The following ATL2 variants were observed in gnomAD, a reference collection of about 807,000 sequenced individuals.
ATL2 encodes atlastin GTPase 2.
Under a neutral mutation model 73.9 loss-of-function variants are expected in ATL2, and 31 were observed. That is an observed-to-expected ratio of 0.42 (90% CI 0.32 to 0.57). The LOEUF (loss-of-function observed/expected upper bound fraction) is 0.57, where lower values mean the gene tolerates loss of function less well. ATL2 is among the 20% of genes least tolerant of loss of function. ATL2 has a pLI of 0.14. For missense variants in ATL2, 738 were observed against 702.6 expected (o/e 1.05, Z -0.57); for synonymous variants, 291 against 237.5 (o/e 1.23, Z -2.07).
intron 2 of ATL2, among the ~76,000 whole-genome samples, chr2:38,332,207 T>C (rs1292982105): frequency 1.3e-5 from 2 of 152,140 alleles, no homozygotes; most frequent in Middle Eastern, 3.4e-3. Flanking sequence ...TTTGAGATGA[T>C]GGAAACTTTG....
chr2:38,371,521 A>C (rs1671688083), intron 1 of ATL2, among the ~76,000 whole-genome samples: 1 of 152,088 alleles, frequency 6.6e-6, no homozygotes, highest in African/African-American at 2.4e-5. Context: ...GAAACAAAAC[A>C]AAATTTTTAA....
At chr2:38,343,021 G>A (rs994561210) in intron 2 of ATL2, among the ~76,000 whole-genome samples, 7 of 149,868 alleles carry the variant, frequency 4.7e-5, no homozygotes, top group African/African-American at 9.8e-5. Context: ...GGTGGCACAC[G>A]CCTGTAGTCC....
intron 1 of ATL2, among the ~76,000 whole-genome samples, chr2:38,365,309 G>C (rs1167634273): frequency 1.3e-5 from 2 of 152,096 alleles, no homozygotes; most frequent in African/African-American, 4.8e-5. Context: ...TAGACACTAA[G>C]TTCCATTCTG....
In ATL2 at chr2:38,357,699, G is replaced by T. The variant is rs533230879; in HGVS notation, c.119-14187C>A. Among the ~76,000 whole-genome samples the T allele has an allele frequency of 1.1e-4, 16 of 151,192 alleles. No individual in the cohort carries two copies. In the East Asian group the frequency reaches 1.4e-3, roughly 13 times the overall value. ...CTCTAGAGATACTTTTTTATATTGG[G>T]GAGGAAAAGCATTTTCCAAGAACTA... On this transcript the variant is annotated intron_variant, in intron 1 of 12. Transcript: ENST00000378954.
At chr2:38,356,168 C>T (rs1670656334) in intron 1 of ATL2, among the ~76,000 whole-genome samples, 1 of 151,990 alleles carries the variant, frequency 6.6e-6, no homozygotes. Context: ...TTTTTATTTA[C>T]TAACCCAAAA....
At chr2:38,301,324 A>T (rs547033726) in intron 9 of ATL2, among the ~76,000 whole-genome samples, 1 of 152,354 alleles carries the variant, frequency 6.6e-6, no homozygotes, top group African/African-American at 2.4e-5. Context: ...AGGCAGAGCA[A>T]GATGGCCAAA....
chr2:38,365,156 CACACACACAAAT>C (rs1307823544), intron 1 of ATL2, among the ~76,000 whole-genome samples: 15 of 148,564 alleles, frequency 1.0e-4, no homozygotes, highest in African/African-American at 3.9e-4. Flanking sequence ...CACACACACA[CACACACACAAAT>C]ACACACACAC....
chr2:38,317,870 G>A (rs573284152), intron 4 of ATL2, among the ~76,000 whole-genome samples: 37 of 151,976 alleles, frequency 2.4e-4, no homozygotes, highest in African/African-American at 8.4e-4. Flanking sequence ...TGCATCCTTT[G>A]TAACTATCCA....
chr2:38,321,745 C>T (rs1378425340), intron 2 of ATL2, among the ~76,000 whole-genome samples: 2 of 151,918 alleles, frequency 1.3e-5, no homozygotes, highest in African/African-American at 4.8e-5. Context: ...CAGGGTCTCA[C>T]TCTGTCACCC....
At chr2:38,377,393 G>A (rs1226242956), upstream of ATL2, 9 of 702,928 alleles carry the variant, frequency 1.3e-5, no homozygotes, top group Non-Finnish European at 6.9e-6. Context: ...CCCTCCGCCT[G>A]TATCTCCTCG....
At chr2:38,307,922 T>C in intron 9 of ATL2, among the ~76,000 whole-genome samples, 1 of 152,190 alleles carries the variant, frequency 6.6e-6, no homozygotes, top group Non-Finnish European at 1.5e-5. Flanking sequence ...TTTCTCCATT[T>C]AAAATTGTTT....
At chr2:38,299,232 C>A in intron 11 of ATL2, 24 bp downstream of exon 11, 1 of 1,489,502 alleles carries the variant, frequency 6.7e-7, no homozygotes, top group Non-Finnish European at 8.9e-7. Flanking sequence ...ACTCCAGCAT[C>A]AAATTTAAAT....
intron 2 of ATL2, among the ~76,000 whole-genome samples, chr2:38,326,808 C>G (rs1202126321): frequency 6.6e-6 from 1 of 151,786 alleles, no homozygotes; most frequent in Non-Finnish European, 1.5e-5. Context: ...GTCAATACGG[C>G]AAAACCCCAT....
At chr2:38,352,946 G>A (rs1670442758) in intron 1 of ATL2, among the ~76,000 whole-genome samples, 1 of 152,150 alleles carries the variant, frequency 6.6e-6, no homozygotes, top group Non-Finnish European at 1.5e-5. Context: ...GCAAAGCCAA[G>A]GTCAAGATCC....
intron 2 of ATL2, among the ~76,000 whole-genome samples, chr2:38,334,111 C>A (rs573214519): frequency 6.8e-6 from 1 of 147,198 alleles, no homozygotes; most frequent in African/African-American, 2.6e-5. Context: ...CTCACTGCAA[C>A]CTCTGCCTCC....
At chr2:38,322,749 T>C (rs1435513792) in intron 2 of ATL2, among the ~76,000 whole-genome samples, 2 of 152,084 alleles carry the variant, frequency 1.3e-5, no homozygotes, top group African/African-American at 4.8e-5. Context: ...GTGTGGTGGC[T>C]ACACCTGTAA....
intron 1 of ATL2, among the ~76,000 whole-genome samples, chr2:38,349,794 AAGAC>A (rs1357465318): frequency 3.3e-5 from 5 of 152,214 alleles, no homozygotes; most frequent in African/African-American, 7.2e-5. Flanking sequence ...AGCACAGACA[AAGAC>A]AGGCCTTTCA....
intron 11 of ATL2, 21 bp from the exon 12 acceptor site, chr2:38,298,596 T>G: frequency 6.3e-7 from 1 of 1,578,924 alleles, no homozygotes; most frequent in Non-Finnish European, 8.6e-7. Flanking sequence ...AGAATTACAG[T>G]ATTACATGCT....
At chr2:38,318,743 G>C in intron 3 of ATL2, 104 bp from the exon 4 acceptor site, 1 of 1,315,572 alleles carries the variant, frequency 7.6e-7, no homozygotes, top group East Asian at 2.4e-5. Context: ...ATCAAGAAAA[G>C]TACTTATATC....
Sources: gnomAD v4.1 joint callset for allele counts (sites outside exome capture counted in the v4.1 genomes callset) on GRCh38, gnomAD v4.1.1 for gene constraint, MANE v1.5 for transcripts, NCBI Gene and HGNC (gene_info 2026-07-23, HGNC 2026-07-21) for gene names.